The following KLHL3 variants were observed in gnomAD, a reference collection of about 807,000 sequenced individuals.
The protein encoded by KLHL3 is kelch like family member 3.
A neutral mutation model predicts 70.5 loss-of-function variants in KLHL3; 19 were observed. The observed-to-expected ratio is 0.27, with a 90% CI of 0.19 to 0.40. KLHL3 has a LOEUF of 0.40. Among genes scored for constraint, KLHL3 ranks in the 10% least tolerant of loss-of-function variants. KLHL3 has a pLI of 1.00. For synonymous variants in KLHL3, 258 were observed against 290.3 expected (o/e 0.89, Z 1.13); for missense variants, 512 against 771.1 (o/e 0.66, Z 3.98).
intron 5 of KLHL3, among the ~76,000 whole-genome samples, chr5:137,678,236 T>C (rs1751934371): frequency 6.6e-6 from 1 of 152,040 alleles, no homozygotes; most frequent in Non-Finnish European, 1.5e-5. Context: ...GGCAACAAGG[T>C]GACCCTACTA....
In KLHL3 at chr5:137,618,968, G is replaced by C. The variant is rs1245217278; in HGVS notation, c.*3130C>G. On this transcript the variant is annotated 3_prime_UTR_variant, in exon 15 of 15. Transcript: ENST00000309755. ...TCTGAAGGGTGAGAAACAAAAGGAA[G>C]AGAGCTACAGGCATGAACTACGTTT... The C allele has an allele frequency of 1.3e-5, 2 of 149,218 alleles. No individual in the cohort carries two copies. Among genetic ancestry groups the C allele is most frequent in the Non-Finnish European group, 3.0e-5 (2 of 67,538 alleles). The allele number at this position is 149,218 out of a possible 1,614,324, so 9.2% of individuals were successfully genotyped here. A position where few individuals can be genotyped will look rare whatever the true frequency, so the allele number is the denominator to read the frequency against.
intron 13 of KLHL3, among the ~76,000 whole-genome samples, chr5:137,626,851 G>A (rs1286618359): frequency 6.6e-6 from 1 of 152,050 alleles, no homozygotes; most frequent in Non-Finnish European, 1.5e-5. Context: ...AAAAAATACA[G>A]AAATTAGCCA....
chr5:137,669,927 G>A (rs1213811671), intron 6 of KLHL3, among the ~76,000 whole-genome samples: 1 of 152,182 alleles, frequency 6.6e-6, no homozygotes, highest in African/African-American at 2.4e-5. Context: ...TTTAATTGAG[G>A]ACTGGTGTCC....
intron 7 of KLHL3, 107 bp downstream of exon 7, chr5:137,661,808 G>T: frequency 1.5e-6 from 1 of 688,070 alleles, no homozygotes. Flanking sequence ...AGCACATACA[G>T]AAGACCCACT....
intron 11 of KLHL3, among the ~76,000 whole-genome samples, chr5:137,637,019 T>C: frequency 6.6e-6 from 1 of 152,212 alleles, no homozygotes; most frequent in Non-Finnish European, 1.5e-5. Context: ...GCAGAGCTAT[T>C]GACACAGGGC....
At chr5:137,628,568 C>T (rs1054472058) in intron 12 of KLHL3, 131 bp from the exon 13 acceptor site, 1 of 840,992 alleles carries the variant, frequency 1.2e-6, no homozygotes, top group Non-Finnish European at 1.9e-6. Flanking sequence ...TCTCCCTGGA[C>T]CTCAGTGTCC....
intron 6 of KLHL3, among the ~76,000 whole-genome samples, chr5:137,675,469 T>C (rs993587998): frequency 1.3e-5 from 2 of 152,284 alleles, no homozygotes; most frequent in East Asian, 3.9e-4. Context: ...AACACTATAT[T>C]TGGCGTTTTA....
chr5:137,734,501 C>T lies in KLHL3; in HGVS notation c.14+1132G>A, dbSNP rs138568679. Among the ~76,000 whole-genome samples the T allele has an allele frequency of 1.8e-3, 273 of 152,268 alleles. 2 individuals are homozygous for T. Among genetic ancestry groups the T allele is most frequent in the African/African-American group, 6.1e-3 (255 of 41,552 alleles). ...ATCATCATGCTAGTTCTAATAGGGT[C>T]TAGAGATGTTTAATGGCATCACTGT... On this transcript the variant is annotated intron_variant, in intron 1 of 14. Coordinates refer to ENST00000309755, the MANE Select transcript of KLHL3 (RefSeq NM_017415.3).
chr5:137,683,804 G>GCA (rs754512601), intron 5 of KLHL3, among the ~76,000 whole-genome samples: 131 of 147,226 alleles, frequency 8.9e-4, no homozygotes, highest in South Asian at 5.5e-3. Flanking sequence ...ACATGCACGC[G>GCA]CACACACACA....
intron 6 of KLHL3, among the ~76,000 whole-genome samples, chr5:137,669,597 G>C (rs1751701000): frequency 6.6e-6 from 1 of 152,016 alleles, no homozygotes; most frequent in South Asian, 2.1e-4. Flanking sequence ...AATAAGAAAA[G>C]GACTGAAGCA....
chr5:137,727,910 T>C (rs374025278), intron 1 of KLHL3, among the ~76,000 whole-genome samples: 15 of 152,170 alleles, frequency 9.9e-5, no homozygotes, highest in African/African-American at 3.6e-4. Context: ...TTCCAGACTG[T>C]AAATACTCCC....
At chr5:137,698,169 G>A in intron 4 of KLHL3, 118 bp downstream of exon 4, 1 of 1,370,616 alleles carries the variant, frequency 7.3e-7, no homozygotes. Flanking sequence ...CCTCTCTGGA[G>A]CTTTAGTTTC....
rs1288804884 is a variant in KLHL3, at chr5:137,667,149, C to T, written c.637-5118G>A. On this transcript the variant is annotated intron_variant, in intron 6 of 14. Coordinates refer to ENST00000309755, the MANE Select transcript of KLHL3 (RefSeq NM_017415.3). ...TATGTTGGAAGGCAGCCACACTCAT[C>T]GTTTACATATTGTCTATGGCTGCTT... 2.0e-5 allele frequency among the ~76,000 whole-genome samples: 3 copies of T among 152,174 alleles called. 1 individual carries two copies. Among genetic ancestry groups the T allele is most frequent in the East Asian group, 1.9e-4 (1 of 5,198 alleles).
intron 14 of KLHL3, among the ~76,000 whole-genome samples, chr5:137,624,195 T>C (rs886167219): frequency 2.0e-5 from 3 of 152,234 alleles, no homozygotes; most frequent in African/African-American, 7.2e-5. Context: ...AGCATTTCCT[T>C]AGACTTTAAG....
chr5:137,627,146 G>A (rs1750487351), intron 13 of KLHL3, among the ~76,000 whole-genome samples: 1 of 152,134 alleles, frequency 6.6e-6, no homozygotes, highest in African/African-American at 2.4e-5. Context: ...ATAGTAGATT[G>A]GTTGTTTAAA....
At chr5:137,709,709 C>T in intron 3 of KLHL3, 41 bp downstream of exon 3, 1 of 1,489,254 alleles carries the variant, frequency 6.7e-7, no homozygotes, top group Non-Finnish European at 9.4e-7. Flanking sequence ...AGTGGGGCTG[C>T]AGCCCCATAA....
intron 3 of KLHL3, among the ~76,000 whole-genome samples, chr5:137,702,466 T>G (rs1268720711): frequency 6.6e-6 from 1 of 152,144 alleles, no homozygotes; most frequent in Non-Finnish European, 1.5e-5. Context: ...AAGTTCAGTC[T>G]GGCTGGAGCA....
chr5:137,635,268 G>A (rs1191014432), intron 11 of KLHL3, among the ~76,000 whole-genome samples: 1 of 152,104 alleles, frequency 6.6e-6, no homozygotes, highest in Non-Finnish European at 1.5e-5. Context: ...TTCTGCCCCA[G>A]GGTCCTCTCA....
chr5:137,659,158 C>T (rs1010638212), intron 7 of KLHL3, among the ~76,000 whole-genome samples: 3 of 152,220 alleles, frequency 2.0e-5, no homozygotes, highest in Non-Finnish European at 2.9e-5. Context: ...TTCCATTCAA[C>T]AGCTAACACT....
Sources: allele counts gnomAD v4.1 joint callset (sites outside exome capture counted in the v4.1 genomes callset), GRCh38; gene constraint gnomAD v4.1.1; transcripts MANE v1.5; gene names NCBI Gene and HGNC (gene_info 2026-07-23, HGNC 2026-07-21).